CTNNA2: variants seen among roughly 807,000 people sequenced by gnomAD.
The protein encoded by CTNNA2 is catenin alpha-2.
A neutral mutation model predicts 101.0 loss-of-function variants in CTNNA2; 42 were observed. The ratio of observed to expected loss-of-function variants is 0.42; its 90% CI spans 0.32 to 0.54. The LOEUF is 0.54. CTNNA2 is among the 20% of genes least tolerant of loss of function. The pLI, the probability that CTNNA2 is intolerant of heterozygous loss-of-function variation, is 0.14. For missense variants in CTNNA2, 871 were observed against 1,223.1 expected, an observed-to-expected ratio of 0.71 and a Z score of 4.29; for synonymous variants, 450 against 456.4, an observed-to-expected ratio of 0.99 and a Z score of 0.18.
intron 17 of CTNNA2, chr2:80,613,041 G>A (rs918794114): frequency 6.8e-6 from 1 of 146,936 alleles, no homozygotes; most frequent in Non-Finnish European, 1.5e-5. Flanking sequence ...AAATCTGGAT[G>A]TTAGGCATAG....
intron 9 of CTNNA2, among the ~76,000 whole-genome samples, chr2:80,463,462 A>G (rs977804287): frequency 6.6e-6 from 1 of 152,176 alleles, no homozygotes; most frequent in Non-Finnish European, 1.5e-5. Context: ...CAGGGAAAGA[A>G]TCATTCGGCT....
intron 7 of CTNNA2, among the ~76,000 whole-genome samples, chr2:79,949,705 T>G (rs1051226201): frequency 6.6e-6 from 1 of 151,994 alleles, no homozygotes; most frequent in Admixed American, 6.6e-5. Context: ...TTGGGCCCAG[T>G]AGTTCGAGGC....
intron 2 of CTNNA2, among the ~76,000 whole-genome samples, chr2:79,229,361 C>T (rs896647436): frequency 7.2e-5 from 11 of 152,094 alleles, no homozygotes; most frequent in Admixed American, 3.3e-4. Context: ...AGGTCTTTCC[C>T]GTGCTATTCT....
rs77186352 is a variant in CTNNA2, at chr2:79,651,247, C to T, written c.-5-305C>T. On this transcript the variant is annotated intron_variant, in intron 1 of 18. Transcript: ENST00000402739. ...AAAGCAAGACTGAAACCTTTCGCAG[C>T]ATATAGCAGATAGGTATGCATACTC... Among the ~76,000 whole-genome samples, 1,289 of 152,226 alleles carry T rather than the reference C, an allele frequency of 8.5e-3. 25 individuals are homozygous for T. The highest frequency in any genetic ancestry group is 0.028 in the African/African-American group (1,171 of 41,524).
At chr2:80,549,668 T>A (rs538559289) in intron 11 of CTNNA2, among the ~76,000 whole-genome samples, 1 of 152,312 alleles carries the variant, frequency 6.6e-6, no homozygotes, top group Admixed American at 6.5e-5. Context: ...TTCATCTCTT[T>A]TCCTTTCTAG....
intron 4 of CTNNA2, among the ~76,000 whole-genome samples, chr2:79,865,280 T>C (rs941237862): frequency 6.6e-6 from 1 of 152,064 alleles, no homozygotes; most frequent in Non-Finnish European, 1.5e-5. Flanking sequence ...CCAATGGCCA[T>C]ACCAGAGTAT....
intron 9 of CTNNA2, among the ~76,000 whole-genome samples, chr2:80,487,149 T>A (rs1686655119): frequency 6.6e-6 from 1 of 151,634 alleles, no homozygotes; most frequent in Non-Finnish European, 1.5e-5. Context: ...GGCGTGGTGG[T>A]GCACACCTGT....
chr2:79,938,639 C>T (rs1299147926), intron 7 of CTNNA2, among the ~76,000 whole-genome samples: 1 of 152,126 alleles, frequency 6.6e-6, no homozygotes, highest in Non-Finnish European at 1.5e-5. Flanking sequence ...TGCATAAAGA[C>T]AAAGCATTTG....
Position 79,689,761 on chromosome 2 carries a change from CAGA to C in CTNNA2, c.102+38110_102+38112del, listed in dbSNP as rs1212419885. On this transcript the variant is annotated intron_variant, in intron 2 of 18. Transcript: ENST00000402739. ...TAAATGACAAGATGGAGAATTATAG[CAGA>C]AGAAGAGAGCTGTAGCAAAGAATAA... is the stretch of plus-strand genomic sequence containing the variant. Among the ~76,000 whole-genome samples, 12 of 151,842 alleles carry C rather than the reference CAGA, an allele frequency of 7.9e-5. No homozygotes were observed. In the South Asian group the frequency reaches 1.3e-3, roughly 16 times the overall value.
intron 4 of CTNNA2, 68 bp from the exon 5 acceptor site, chr2:79,869,748 A>G: frequency 6.4e-7 from 1 of 1,555,580 alleles, no homozygotes; most frequent in Non-Finnish European, 8.6e-7. Context: ...TGCAAATTCC[A>G]TTTCTAACAT....
chr2:80,531,710 TG>T (rs1273754893), intron 9 of CTNNA2, among the ~76,000 whole-genome samples: 3 of 152,182 alleles, frequency 2.0e-5, no homozygotes, highest in African/African-American at 7.2e-5. Context: ...TAAGGAGACC[TG>T]GGAGGGGCAC....
intron 7 of CTNNA2, among the ~76,000 whole-genome samples, chr2:79,966,547 C>T (rs1280161208): frequency 1.3e-5 from 2 of 152,108 alleles, no homozygotes; most frequent in African/African-American, 4.8e-5. Flanking sequence ...GTAACTGGGA[C>T]CTTTACACCT....
chr2:80,023,884 G>C (rs1694748447), intron 7 of CTNNA2, among the ~76,000 whole-genome samples: 2 of 151,468 alleles, frequency 1.3e-5, no homozygotes, highest in African/African-American at 4.8e-5. Flanking sequence ...TCAGGAGATC[G>C]AGACCATCCT....
intron 2 of CTNNA2, among the ~76,000 whole-genome samples, chr2:79,715,765 C>T (rs970191668): frequency 6.6e-6 from 1 of 151,966 alleles, no homozygotes; most frequent in African/African-American, 2.4e-5. Flanking sequence ...GCCATTGGAC[C>T]GTCAGGACCC....
chr2:79,297,557 CCTT>C (rs1450159071), intron 2 of CTNNA2, among the ~76,000 whole-genome samples: 1 of 152,178 alleles, frequency 6.6e-6, no homozygotes, highest in East Asian at 1.9e-4. Flanking sequence ...GATTTCCTCT[CCTT>C]TGCCCTCCTG....
At chr2:79,804,116 T>G (rs1280726992) in intron 3 of CTNNA2, among the ~76,000 whole-genome samples, 1 of 152,168 alleles carries the variant, frequency 6.6e-6, no homozygotes, top group East Asian at 1.9e-4. Context: ...AACAAATAAG[T>G]TAAAATTGTA....
chr2:79,515,890 C>A (rs1425493109), intron 1 of CTNNA2, among the ~76,000 whole-genome samples: 2 of 152,130 alleles, frequency 1.3e-5, no homozygotes, highest in Non-Finnish European at 2.9e-5. Context: ...CGGATATATT[C>A]TCTGTGTCTC....
chr2:80,092,016 A>G (rs1280731095), intron 7 of CTNNA2, among the ~76,000 whole-genome samples: 1 of 152,080 alleles, frequency 6.6e-6, no homozygotes, highest in African/African-American at 2.4e-5. Flanking sequence ...TGCTCAGGAA[A>G]TGTATCTTAT....
At chr2:80,194,992 C>G (rs1706744614) in intron 7 of CTNNA2, among the ~76,000 whole-genome samples, 1 of 152,068 alleles carries the variant, frequency 6.6e-6, no homozygotes. Flanking sequence ...TGAAAAAAAT[C>G]TATAATTTAG....
Sources: allele counts gnomAD v4.1 joint callset (sites outside exome capture counted in the v4.1 genomes callset), GRCh38; gene constraint gnomAD v4.1.1; transcripts MANE v1.5; gene names NCBI Gene and HGNC (gene_info 2026-07-23, HGNC 2026-07-21).